The following AFF3 variants were observed in gnomAD, a reference collection of about 807,000 sequenced individuals.
The protein encoded by AFF3 is ALF transcription elongation factor 3, also known as AF4/FMR2 family member 3.
Under a neutral mutation model 129.7 loss-of-function variants are expected in AFF3, and 32 were observed. The observed-to-expected ratio is 0.25, with a 90% CI of 0.19 to 0.33. The LOEUF is 0.33. AFF3 is among the 10% of genes least tolerant of loss of function. The pLI, the probability that AFF3 is intolerant of heterozygous loss-of-function variation, is 1.00. For synonymous variants in AFF3, 644 were observed against 635.4 expected, an observed-to-expected ratio of 1.01 and a Z score of -0.20; for missense variants, 1,373 against 1,592.0, an observed-to-expected ratio of 0.86 and a Z score of 2.34.
intron 7 of AFF3, among the ~76,000 whole-genome samples, chr2:99,956,933 CAAAAT>C (rs1045098325): frequency 2.0e-4 from 30 of 152,166 alleles, no homozygotes; most frequent in Non-Finnish European, 4.0e-4. Context: ...AAGCATAAAA[CAAAAT>C]AATATAAGCA....
intron 10 of AFF3, among the ~76,000 whole-genome samples, chr2:99,729,979 C>T (rs940251330): frequency 4.6e-5 from 7 of 151,906 alleles, no homozygotes; most frequent in Admixed American, 1.3e-4. Context: ...AAATGAGCCA[C>T]GGAAAGAACT....
chr2:99,923,192 G>A (rs1324138032), intron 7 of AFF3, among the ~76,000 whole-genome samples: 1 of 152,046 alleles, frequency 6.6e-6, no homozygotes, highest in Non-Finnish European at 1.5e-5. Context: ...AAGATACACC[G>A]AGGAAATCTG....
At chr2:99,576,682 C>T (rs1677031912) in intron 18 of AFF3, among the ~76,000 whole-genome samples, 1 of 152,122 alleles carries the variant, frequency 6.6e-6, no homozygotes, top group Non-Finnish European at 1.5e-5. Flanking sequence ...CTCTCAAAAC[C>T]ACCCACTGCA....
At position 99,554,455 on chromosome 2, in the gene AFF3, C is replaced by T. The variant is rs756690263; in HGVS notation, c.3415G>A (p.Ala1139Thr). The change falls in exon 24 of 25, where the codon GCC becomes ACC. Residue 1139 changes from alanine (A) to threonine (T), a missense_variant. Physicochemically the swap from Ala to Thr is moderately conservative, Grantham distance 58. Transcript: ENST00000672756. ...SVGSQGSLSNASALSPSTIVS... is the reference protein window; with the variant it reads ...SVGSQGSLSNTSALSPSTIVS... ...ATGGTCGACGGGGACAGGGCGCTGG[C>T]GTTGGAGAGGCTGCCCTGAGACCCC... 2.0e-5 allele frequency: 33 copies of T among 1,613,840 alleles called. No homozygotes were observed. In the East Asian group the frequency reaches 2.7e-4, roughly 13 times the overall value.
intron 13 of AFF3, among the ~76,000 whole-genome samples, chr2:99,615,174 A>T (rs1325646538): frequency 1.3e-5 from 2 of 152,172 alleles, no homozygotes; most frequent in Non-Finnish European, 2.9e-5. Flanking sequence ...GGCAGCATGG[A>T]AATGGCTGCC....
Position 100,027,743 on chromosome 2 carries a change from A to G in AFF3, c.54-18811T>C, listed in dbSNP as rs1332698543. Among the ~76,000 whole-genome samples, 4 of 152,248 alleles carry G rather than the reference A, an allele frequency of 2.6e-5. No individual in the cohort carries two copies. The South Asian group carries it at 6.2e-4, about 24-fold the overall frequency. ...ATGTAATAAAATTAGAACTTTAGAT[A>G]AAAATGTGTTCCCTGTTCACAAATA... is the stretch of plus-strand genomic sequence containing the variant. On this transcript the variant is annotated intron_variant, in intron 4 of 24. Transcript: ENST00000672756.
intron 8 of AFF3, among the ~76,000 whole-genome samples, chr2:99,779,814 C>T (rs1382416830): frequency 1.3e-5 from 2 of 152,062 alleles, no homozygotes; most frequent in African/African-American, 2.4e-5. Flanking sequence ...CTTCATTTTA[C>T]AAGGAAAGAA....
chr2:99,807,424 C>G (rs1686438980), intron 8 of AFF3, among the ~76,000 whole-genome samples: 2 of 152,186 alleles, frequency 1.3e-5, no homozygotes, highest in African/African-American at 4.8e-5. Context: ...GGATGGAGAA[C>G]TGTCACATCC....
chr2:100,069,009 T>C (rs1032261840), intron 4 of AFF3, among the ~76,000 whole-genome samples: 1 of 152,166 alleles, frequency 6.6e-6, no homozygotes, highest in Non-Finnish European at 1.5e-5. Context: ...TGTTATACAG[T>C]AAACTTGTAT....
chr2:100,085,309 G>A (rs1476274135), intron 4 of AFF3, among the ~76,000 whole-genome samples: 17 of 147,164 alleles, frequency 1.2e-4, no homozygotes, highest in African/African-American at 3.0e-4. Context: ...GTCACGTGAC[G>A]TAAAACATCT....
intron 4 of AFF3, among the ~76,000 whole-genome samples, chr2:100,022,426 G>A (rs549523863): frequency 2.9e-4 from 44 of 151,398 alleles, no homozygotes; most frequent in African/African-American, 1.0e-3. Flanking sequence ...TTTTTTTTCG[G>A]GGGAGACAGA....
chr2:99,692,224 C>T (rs866196754), intron 11 of AFF3, among the ~76,000 whole-genome samples: 1 of 152,198 alleles, frequency 6.6e-6, no homozygotes, highest in African/African-American at 2.4e-5. Context: ...AACTCTTCCT[C>T]CTGCAAGACT....
At chr2:100,021,234 TAAG>T (rs1321671381) in intron 4 of AFF3, among the ~76,000 whole-genome samples, 1 of 152,146 alleles carries the variant, frequency 6.6e-6, no homozygotes, top group Admixed American at 6.5e-5. Flanking sequence ...AACCATACCA[TAAG>T]AAGAAAGTCT....
At chr2:99,869,933 C>T (rs1691742719) in intron 7 of AFF3, among the ~76,000 whole-genome samples, 2 of 152,182 alleles carry the variant, frequency 1.3e-5, no homozygotes, top group South Asian at 4.1e-4. Flanking sequence ...CAATGGGAAA[C>T]CTGCACTGAA....
rs189435255 is a variant in AFF3, at chr2:99,781,672, T to C, written c.922-29371A>G. Among the ~76,000 whole-genome samples the C allele has an allele frequency of 7.2e-5, 11 of 152,302 alleles. No homozygotes were observed. The East Asian group carries it at 1.5e-3, about 21-fold the overall frequency. The stretch of plus-strand genomic sequence containing the variant: ...CCATTTGGTCCTTTCCAGAAAACGT[T>C]TGCTGGCTCGTTTTGGGGTCTAGAA... On this transcript the variant is annotated intron_variant, in intron 8 of 24. Coordinates refer to ENST00000672756, the MANE Select transcript of AFF3 (RefSeq NM_001386135.1).
chr2:99,756,508 G>A (rs956367086), intron 8 of AFF3, among the ~76,000 whole-genome samples: 6 of 152,206 alleles, frequency 3.9e-5, no homozygotes, highest in African/African-American at 1.4e-4. Context: ...GACTGGAAGA[G>A]GCATGAGTTC....
chr2:99,964,975 T>G (rs1311899317), intron 7 of AFF3, among the ~76,000 whole-genome samples: 1 of 152,218 alleles, frequency 6.6e-6, no homozygotes, highest in African/African-American at 2.4e-5. Context: ...GGATGCTGAC[T>G]ATAATTCAAC....
chr2:100,128,404 C>G (rs1390118291), intron 2 of AFF3, among the ~76,000 whole-genome samples: 4 of 152,126 alleles, frequency 2.6e-5, no homozygotes, highest in Non-Finnish European at 4.4e-5. Flanking sequence ...TCTCTTTCCT[C>G]TAGCCCAGCC....
At position 99,790,306 on chromosome 2, in the gene AFF3, C is replaced by G. The variant is rs116242971; in HGVS notation, c.922-38005G>C. On this transcript the variant is annotated intron_variant, in intron 8 of 24. Coordinates refer to ENST00000672756, the MANE Select transcript of AFF3 (RefSeq NM_001386135.1). ...AACTAGTGTCTGACAGCAGCACCCA[C>G]AGCAAGACAACTCAAAATTTATTAA... 4.8e-3 allele frequency among the ~76,000 whole-genome samples: 724 copies of G among 152,338 alleles called. 2 individuals carry two copies. Among genetic ancestry groups the G allele is most frequent in the African/African-American group, 0.017 (697 of 41,586 alleles).
Sources: gnomAD v4.1 joint callset for allele counts (sites outside exome capture counted in the v4.1 genomes callset) on GRCh38, gnomAD v4.1.1 for gene constraint, MANE v1.5 for transcripts, NCBI Gene and HGNC (gene_info 2026-07-23, HGNC 2026-07-21) for gene names.